The following HYDIN variants were observed in gnomAD, a reference collection of about 807,000 sequenced individuals.
The protein encoded by HYDIN is HYDIN axonemal central pair apparatus protein, also known as axonemal central pair apparatus protein HYDIN.
A neutral mutation model predicts 403.9 loss-of-function variants in HYDIN; 132 were observed. That is an observed-to-expected ratio of 0.33 (90% CI 0.28 to 0.38). The LOEUF is 0.38. Among genes scored for constraint, HYDIN ranks in the 10% least tolerant of loss-of-function variants. The pLI, the probability that HYDIN is intolerant of heterozygous loss-of-function variation, is 1.00. For synonymous variants in HYDIN, 1,202 were observed against 1,891.7 expected, an observed-to-expected ratio of 0.64 and a Z score of 9.46; for missense variants, 2,827 against 5,009.5, an observed-to-expected ratio of 0.56 and a Z score of 13.15.
At position 70,802,701 on chromosome 16, in the gene HYDIN, C is replaced by T. The variant is rs188284701; in HGVS notation, c.*4879G>A. 2.6e-5 allele frequency: 4 copies of T among 152,282 alleles called. No individual in the cohort carries two copies. Among genetic ancestry groups the T allele is most frequent in the Admixed American group, 1.3e-4 (2 of 15,296 alleles). 9.4% of individuals were successfully genotyped at this position (152,282 alleles called of 1,614,324 possible). ...GATAATAAATTTGTGTTGTTTTGCTCTCCTAGTTTTGTGGTAATTTGTTAT... is the reference window on the plus strand; with the variant it reads ...GATAATAAATTTGTGTTGTTTTGCTTTCCTAGTTTTGTGGTAATTTGTTAT... On this transcript the variant is annotated 3_prime_UTR_variant, in exon 86 of 86. Transcript: ENST00000393567.
chr16:70,868,650 C>T lies in HYDIN; in HGVS notation c.11230G>A (p.Asp3744Asn), dbSNP rs776296614. Residue 3744 changes from aspartate to asparagine, a missense_variant, in exon 66 of 86, where the codon GAC becomes AAC. Coordinates refer to ENST00000393567, the MANE Select transcript of HYDIN (RefSeq NM_001270974.2). ...ACTGTGTGCATGCGGTCATCCCAGT[C>T]GGGGACCTGGTCTGCAGGGAGCTGA... ...MFQLPADQVP[D>N]WDDRMHTVKW... 6.9e-5 allele frequency: 111 copies of T among 1,614,088 alleles called. No individual in the cohort carries two copies. The Middle Eastern group carries it at 8.3e-4, about 12-fold the overall frequency.
In HYDIN at chr16:70,805,085, C is replaced by G. The variant is rs911952353; in HGVS notation, c.*2495G>C. On this transcript the variant is annotated 3_prime_UTR_variant, in exon 86 of 86. Transcript: ENST00000393567. ...GTAGGGTGAGGGACCAATTGCTTCC[C>G]TTCTCCTAACCTATACCTCTGGTGA... Among the ~76,000 whole-genome samples the G allele has an allele frequency of 1.1e-4, 16 of 152,198 alleles. No homozygotes were observed. The highest frequency in any genetic ancestry group is 3.1e-4 in the African/African-American group (13 of 41,440).
At chr16:71,228,037 C>T (rs1055030925) in intron 1 of HYDIN, among the ~76,000 whole-genome samples, 1 of 152,014 alleles carries the variant, frequency 6.6e-6, no homozygotes, top group African/African-American at 2.4e-5. Context: ...CTTTGACAAA[C>T]CTGACAAAAA....
intron 1 of HYDIN, among the ~76,000 whole-genome samples, chr16:71,198,452 C>G (rs2087815171): frequency 6.6e-6 from 1 of 152,140 alleles, no homozygotes; most frequent in East Asian, 1.9e-4. Flanking sequence ...TGTCCTCCCC[C>G]ATCTCTTGCT....
At chr16:71,029,986 T>A (rs576621985) in intron 19 of HYDIN, among the ~76,000 whole-genome samples, 50 of 152,240 alleles carry the variant, frequency 3.3e-4, no homozygotes, top group African/African-American at 1.2e-3. Context: ...GCGACATGAC[T>A]CTCCTGAGGA....
chr16:71,179,679 C>T (rs2086821706), intron 3 of HYDIN, among the ~76,000 whole-genome samples: 1 of 152,228 alleles, frequency 6.6e-6, no homozygotes, highest in Non-Finnish European at 1.5e-5. Flanking sequence ...ACTTGGACCC[C>T]TCATTTCCTG....
At chr16:70,949,018 T>C (rs1256551936) in intron 41 of HYDIN, among the ~76,000 whole-genome samples, 1 of 150,656 alleles carries the variant, frequency 6.6e-6, no homozygotes, top group African/African-American at 2.4e-5. Context: ...TGTATGTTTA[T>C]TGCGGCACTA....
chr16:70,911,574 A>C (rs796092984), intron 47 of HYDIN, among the ~76,000 whole-genome samples: 1 of 142,084 alleles, frequency 7.0e-6, no homozygotes, highest in East Asian at 2.0e-4. Flanking sequence ...CTTTTTGCTT[A>C]GTCTTGCTTT....
At chr16:71,190,685 A>G (rs181208256) in intron 1 of HYDIN, among the ~76,000 whole-genome samples, 140 of 152,332 alleles carry the variant, frequency 9.2e-4, no homozygotes, top group Non-Finnish European at 9.7e-4. Context: ...GAACCTGACA[A>G]TGGCTCAATC....
chr16:71,023,952 T>C (rs1427536714), intron 21 of HYDIN, among the ~76,000 whole-genome samples: 1 of 152,232 alleles, frequency 6.6e-6, no homozygotes, highest in African/African-American at 2.4e-5. Context: ...CCCAATGTTT[T>C]TGTGTGACAG....
intron 7 of HYDIN, among the ~76,000 whole-genome samples, chr16:71,141,829 A>C (rs1597872212): frequency 6.6e-6 from 1 of 152,274 alleles, no homozygotes; most frequent in East Asian, 1.9e-4. Flanking sequence ...CTAAAGGAAA[A>C]TCTCACACAG....
intron 77 of HYDIN, among the ~76,000 whole-genome samples, chr16:70,836,086 A>G (rs544107755): frequency 6.6e-6 from 1 of 152,276 alleles, no homozygotes; most frequent in East Asian, 1.9e-4. Context: ...CCTTGAGAGC[A>G]TATTACATGG....
chr16:70,881,071 C>T (rs1036718413), intron 60 of HYDIN, among the ~76,000 whole-genome samples: 4 of 142,700 alleles, frequency 2.8e-5, no homozygotes, highest in Non-Finnish European at 6.0e-5. Context: ...ACAAAAAATA[C>T]AAAAACTAGC....
intron 48 of HYDIN, 90 bp from the exon 49 acceptor site, chr16:70,908,524 G>C: frequency 6.7e-7 from 1 of 1,499,516 alleles, no homozygotes; most frequent in South Asian, 1.3e-5. Context: ...CTGTCCTGTT[G>C]GGGTGGGCAT....
intron 21 of HYDIN, among the ~76,000 whole-genome samples, chr16:71,024,237 A>C (rs553678922): frequency 1.3e-5 from 2 of 152,314 alleles, no homozygotes; most frequent in East Asian, 3.9e-4. Context: ...GCACGTCTCC[A>C]GATGGACTTT....
chr16:71,190,149 C>T (rs1017599329), intron 1 of HYDIN, among the ~76,000 whole-genome samples: 5 of 152,062 alleles, frequency 3.3e-5, no homozygotes, highest in Non-Finnish European at 1.5e-5. Flanking sequence ...TATTCAAACA[C>T]CATTTACCAC....
At chr16:71,188,354 T>C (rs549965341) in intron 1 of HYDIN, among the ~76,000 whole-genome samples, 20 of 152,150 alleles carry the variant, frequency 1.3e-4, no homozygotes, top group Non-Finnish European at 2.4e-4. Flanking sequence ...AACCTTTTCA[T>C]ATCTTCTAGG....
intron 18 of HYDIN, among the ~76,000 whole-genome samples, chr16:71,053,912 C>A (rs563891979): frequency 4.6e-5 from 7 of 152,268 alleles, no homozygotes; most frequent in Non-Finnish European, 7.3e-5. Flanking sequence ...AGTGTCTGAC[C>A]TCCAGAATTA....
rs774084171 is a variant in HYDIN, at chr16:70,920,693, C to T, written c.7683G>A (p.Glu2561=). ...CTAGGAAGGGTACGCCCAGGTCCTT[C>T]TCCTTCTTCCCTTCGTGGTCCTCCT... The part of the protein sequence containing the change: ...EGEEDHEGKK[E]KDLGVPFLDI... Residue 2561 remains glutamate (E), a synonymous_variant, in exon 46 of 86, where the codon GAG becomes GAA. Transcript: ENST00000393567. The T allele has an allele frequency of 3.3e-5, 53 of 1,605,644 alleles. No homozygotes were observed. In the South Asian group the frequency reaches 5.8e-4, roughly 18 times the overall value.
Sources: gnomAD v4.1 joint callset for allele counts (sites outside exome capture counted in the v4.1 genomes callset) on GRCh38, gnomAD v4.1.1 for gene constraint, MANE v1.5 for transcripts, NCBI Gene and HGNC (gene_info 2026-07-23, HGNC 2026-07-21) for gene names.